CXCR2: variants seen among roughly 807,000 people sequenced by gnomAD.
The protein encoded by CXCR2 is C-X-C motif chemokine receptor 2, also known as C-X-C chemokine receptor type 2.
In CXCR2, 2 loss-of-function variants were observed where a neutral mutation model predicts 3.7. The ratio of observed to expected loss-of-function variants is 0.55; its 90% CI spans 0.22 to 1.72. The LOEUF (loss-of-function observed/expected upper bound fraction) is 1.72. CXCR2 is among the 40% of genes most tolerant of loss of function. The pLI is 0.19. For synonymous variants in CXCR2, 203 were observed against 193.3 expected, an observed-to-expected ratio of 1.05 and a Z score of -0.41; for missense variants, 351 against 450.1, an observed-to-expected ratio of 0.78 and a Z score of 1.99.
Position 218,135,062 on chromosome 2 carries a change from G to T in CXCR2, c.261G>T (p.Leu87=). Residue 87 remains leucine (L), a synonymous_variant, in exon 3 of 3, where the codon CTG becomes CTT. Coordinates refer to ENST00000318507, the MANE Select transcript of CXCR2 (RefSeq NM_001557.4). The surrounding 1 kb of genome is among the most constrained non-coding windows in gnomAD (Gnocchi z 4.0). ...GCCGCTCCGTCACTGATGTCTACCTGCTGAACCTAGCCTTGGCCGACCTAC... is the reference window on the plus strand; with the variant it reads ...GCCGCTCCGTCACTGATGTCTACCTTCTGAACCTAGCCTTGGCCGACCTAC... ...RVGRSVTDVY[L]LNLALADLLF... 10 of 1,614,206 alleles carry T rather than the reference G, an allele frequency of 6.2e-6. No homozygotes were observed. Among genetic ancestry groups the T allele is most frequent in the Non-Finnish European group, 8.5e-6 (10 of 1,180,044 alleles).
At position 218,134,912 on chromosome 2, in the gene CXCR2, C is replaced by A; in HGVS notation, c.111C>A (p.Ala37=). ...TGCCCCCTTTTCTACTAGATGCCGC[C>A]CCATGTGAACCAGAATCCCTGGAAA... ...STLPPFLLDA[A]PCEPESLEIN... is the part of the protein sequence containing the mutation. The change falls in exon 3 of 3, where the codon GCC becomes GCA. Residue 37 remains alanine, a synonymous_variant. Transcript: ENST00000318507. 6.2e-7 allele frequency: 1 copy of A among 1,614,154 alleles called. No homozygotes were observed. The highest frequency in any genetic ancestry group is 1.1e-5 in the South Asian group (1 of 91,076).
At chr2:218,129,224 C>T (rs1353371378) in intron 1 of CXCR2, 90 bp from the exon 2 acceptor site, 1 of 152,386 alleles carries the variant, frequency 6.6e-6, no homozygotes, top group Non-Finnish European at 1.5e-5. Context: ...CACCCGCACC[C>T]TCAGGAGCTC....
intron 2 of CXCR2, 28 bp downstream of exon 2, chr2:218,129,393 A>G (rs199538309): frequency 6.6e-6 from 1 of 152,306 alleles, no homozygotes; most frequent in Non-Finnish European, 1.5e-5. Flanking sequence ...CACCCTTCCC[A>G]CCAGCTAGAA....
chr2:218,130,186 T>TA (rs1428708966), intron 2 of CXCR2, among the ~76,000 whole-genome samples: 1 of 152,066 alleles, frequency 6.6e-6, no homozygotes, highest in Non-Finnish European at 1.5e-5. Context: ...TTTGGGAGGC[T>TA]AAGGTGGGCG....
intron 2 of CXCR2, among the ~76,000 whole-genome samples, chr2:218,131,721 G>A (rs923117108): frequency 4.0e-5 from 6 of 151,118 alleles, no homozygotes; most frequent in South Asian, 2.1e-4. Context: ...CGCCCATCTC[G>A]GCCTCCCAAA....
chr2:218,137,069 G>T lies in CXCR2; in HGVS notation c.*1185G>T, dbSNP rs1326148262. ...TGCCACTAAATTGACACTTAAAAAT[G>T]GTTTAAATGGTCAATTTTGTTATGT... On this transcript the variant is annotated 3_prime_UTR_variant, in exon 3 of 3. Transcript: ENST00000318507. 1.2e-5 allele frequency: 2 copies of T among 166,992 alleles called. No homozygotes were observed. Among genetic ancestry groups the T allele is most frequent in the East Asian group, 1.9e-4 (1 of 5,216 alleles). The allele number at this position is 166,992 out of a possible 1,614,324, so 10.3% of individuals were successfully genotyped here.
At chr2:218,132,087 G>T (rs1473215400) in intron 2 of CXCR2, among the ~76,000 whole-genome samples, 1 of 152,056 alleles carries the variant, frequency 6.6e-6, no homozygotes, top group East Asian at 1.9e-4. Flanking sequence ...GCTTTGCAAG[G>T]CCGTGTACCC....
At chr2:218,127,188 A>G (rs1314131863) in intron 1 of CXCR2, among the ~76,000 whole-genome samples, 1 of 152,188 alleles carries the variant, frequency 6.6e-6, no homozygotes, top group East Asian at 1.9e-4. Flanking sequence ...ATGCAATGGC[A>G]CAATCTCGGC....
At chr2:218,129,829 C>T (rs1181583694) in intron 2 of CXCR2, among the ~76,000 whole-genome samples, 2 of 152,192 alleles carry the variant, frequency 1.3e-5, no homozygotes, top group African/African-American at 4.8e-5. Context: ...AAATGTCTCT[C>T]GTTCTATAGC....
At chr2:218,131,211 A>T (rs1286520264) in intron 2 of CXCR2, among the ~76,000 whole-genome samples, 1 of 152,202 alleles carries the variant, frequency 6.6e-6, no homozygotes, top group Non-Finnish European at 1.5e-5. Context: ...CCTTAAGAGC[A>T]TCTGTAATCA....
chr2:218,133,651 G>A (rs1003382742), intron 2 of CXCR2, among the ~76,000 whole-genome samples: 19 of 152,192 alleles, frequency 1.2e-4, no homozygotes, highest in African/African-American at 4.3e-4. Flanking sequence ...CCCAGAGCAG[G>A]ATCTGTGCTG....
In CXCR2 at chr2:218,135,268, C is replaced by T; in HGVS notation, c.467C>T (p.Thr156Ile). ...ATTGTCCATGCCACACGCACACTGA[C>T]CCAGAAGCGCTACTTGGTCAAATTC... is the stretch of plus-strand genomic sequence containing the variant. Reference protein sequence around the residue: ...LAIVHATRTLTQKRYLVKFIC... With the variant: ...LAIVHATRTLIQKRYLVKFIC... Residue 156 changes from threonine (T) to isoleucine (I), a missense_variant, in exon 3 of 3, where the codon ACC becomes ATC. Physicochemically the swap from Thr to Ile is moderately conservative, Grantham distance 89. Coordinates refer to ENST00000318507, the MANE Select transcript of CXCR2 (RefSeq NM_001557.4). The surrounding 1 kb of genome is among the most constrained non-coding windows in gnomAD (Gnocchi z 4.0). 2 of 1,614,178 alleles carry T rather than the reference C, an allele frequency of 1.2e-6. No individual in the cohort carries two copies. The highest frequency in any genetic ancestry group is 1.7e-5 in the Admixed American group (1 of 60,028).
At chr2:218,130,414 A>C (rs1189741390) in intron 2 of CXCR2, among the ~76,000 whole-genome samples, 1 of 152,166 alleles carries the variant, frequency 6.6e-6, no homozygotes, top group African/African-American at 2.4e-5. Flanking sequence ...GCGAGACTGC[A>C]TCAAAAAAAG....
At position 218,136,094 on chromosome 2, in the gene CXCR2, T is replaced by C; in HGVS notation, c.*210T>C. On this transcript the variant is annotated 3_prime_UTR_variant, in exon 3 of 3. Coordinates refer to ENST00000318507, the MANE Select transcript of CXCR2 (RefSeq NM_001557.4). ...GCCTCACCCCTTGCCATAATTACTA[T>C]GTCATTTGCTGGAGCTCTGCCCATC... is the stretch of plus-strand genomic sequence containing the variant. The C allele has an allele frequency of 3.4e-6, 2 of 596,492 alleles. No homozygotes were observed. Among genetic ancestry groups the C allele is most frequent in the East Asian group, 2.9e-5 (1 of 34,150 alleles). The allele number at this position is 596,492 out of a possible 1,614,324, so 36.9% of individuals were successfully genotyped here. A position where few individuals can be genotyped will look rare whatever the true frequency, so the allele number is the denominator to read the frequency against.
chr2:218,135,524 C>G lies in CXCR2; in HGVS notation c.723C>G (p.Ala241=), dbSNP rs762636445. The G allele has an allele frequency of 6.2e-7, 1 of 1,614,142 alleles. No homozygotes were observed. Among genetic ancestry groups the G allele is most frequent in the Non-Finnish European group, 8.5e-7 (1 of 1,180,030 alleles). Residue 241 remains alanine, a synonymous_variant, in exon 3 of 3, where the codon GCC becomes GCG. Coordinates refer to ENST00000318507, the MANE Select transcript of CXCR2 (RefSeq NM_001557.4). This position sits in a 1 kb window ranked among gnomAD's most constrained non-coding sequence, Gnocchi z 4.0. ...TCACCCTGCGTACGCTGTTTAAGGC[C>G]CACATGGGGCAGAAGCACCGGGCCA... The part of the protein sequence containing the change: ...YGFTLRTLFK[A]HMGQKHRAMR...
At chr2:218,127,197 G>T (rs1370172834) in intron 1 of CXCR2, among the ~76,000 whole-genome samples, 1 of 152,188 alleles carries the variant, frequency 6.6e-6, no homozygotes, top group Non-Finnish European at 1.5e-5. Flanking sequence ...CACAATCTCG[G>T]CTCACTGCAA....
At position 218,136,064 on chromosome 2, in the gene CXCR2, C is replaced by T; in HGVS notation, c.*180C>T. 1.3e-6 allele frequency: 1 copy of T among 778,338 alleles called. No individual in the cohort carries two copies. The highest frequency in any genetic ancestry group is 2.1e-6 in the Non-Finnish European group (1 of 486,512). The allele number at this position is 778,338 out of a possible 1,614,324, so 48.2% of individuals were successfully genotyped here. ...CCTTGCATGGTTTAGAAAGCTTGCC[C>T]TGGTGCCTCACCCCTTGCCATAATT... On this transcript the variant is annotated 3_prime_UTR_variant, in exon 3 of 3. Coordinates refer to ENST00000318507, the MANE Select transcript of CXCR2 (RefSeq NM_001557.4).
At chr2:218,129,997 G>A (rs1381171357) in intron 2 of CXCR2, among the ~76,000 whole-genome samples, 1 of 152,174 alleles carries the variant, frequency 6.6e-6, no homozygotes, top group African/African-American at 2.4e-5. Context: ...CAGTTCAAGG[G>A]TGTTTGGTTT....
intron 2 of CXCR2, among the ~76,000 whole-genome samples, chr2:218,134,372 C>T (rs180784582): frequency 2.6e-4 from 38 of 145,484 alleles, no homozygotes; most frequent in Non-Finnish European, 5.0e-4. Flanking sequence ...ATCTCTAAGA[C>T]AAAAAAAAAA....
Sources: allele counts gnomAD v4.1 joint callset (sites outside exome capture counted in the v4.1 genomes callset), GRCh38; gene constraint gnomAD v4.1.1; non-coding constraint Gnocchi (gnomAD v3.1); transcripts MANE v1.5; gene names NCBI Gene and HGNC (gene_info 2026-07-23, HGNC 2026-07-21).